The following RFC1 variants were observed in gnomAD, a reference collection of about 807,000 sequenced individuals.
The protein encoded by RFC1 is A1 140 kDa subunit.
RFC1 carries 37 observed loss-of-function variants against 137.4 expected under a neutral mutation model. The observed-to-expected ratio is 0.27, with a 90% CI of 0.21 to 0.35. The LOEUF is 0.35. Ranked by LOEUF, RFC1 falls within the 10% of genes least tolerant of loss-of-function variation. The pLI, the probability that RFC1 is intolerant of heterozygous loss-of-function variation, is 1.00. For missense variants in RFC1, 1,205 were observed against 1,358.5 expected, an observed-to-expected ratio of 0.89 and a Z score of 1.78; for synonymous variants, 429 against 455.7, an observed-to-expected ratio of 0.94 and a Z score of 0.75.
intron 2 of RFC1, among the ~76,000 whole-genome samples, chr4:39,350,778 A>C (rs928887066): frequency 6.6e-6 from 1 of 152,184 alleles, no homozygotes; most frequent in Non-Finnish European, 1.5e-5. Flanking sequence ...TTAGACGAAA[A>C]CTCAGATCTT....
chr4:39,365,333 G>C, intron 1 of RFC1: 1 of 313,664 alleles, frequency 3.2e-6, no homozygotes, highest in Non-Finnish European at 4.6e-6. Flanking sequence ...CCAGAATGTT[G>C]TCACTGTGAC....
intron 4 of RFC1, among the ~76,000 whole-genome samples, chr4:39,331,127 T>C (rs1490201192): frequency 2.0e-5 from 3 of 152,286 alleles, no homozygotes; most frequent in African/African-American, 7.2e-5. Context: ...ACAATGATCA[T>C]GGTATTATAG....
intron 4 of RFC1, among the ~76,000 whole-genome samples, chr4:39,331,955 T>C (rs1387814458): frequency 6.6e-6 from 1 of 152,196 alleles, no homozygotes; most frequent in Admixed American, 6.5e-5. Flanking sequence ...GAATGAATCA[T>C]GGGGACAGGT....
rs1450848204 is a variant in RFC1, at chr4:39,289,906, T to C, written c.3302A>G (p.Asp1101Gly). ...GTCTTTCTCATCAGATTGAGAGTCA[T>C]CTTCATTTAATTCTTCATTGTATTC... The part of the protein sequence containing the change: ...DSEYNEELNE[D>G]DSQSDEKDQD... Residue 1101 changes from aspartate (D) to glycine (G), a missense_variant, in exon 24 of 25, where the codon GAT becomes GGT. By Grantham distance (94) the Asp-to-Gly change is moderately conservative. Coordinates refer to ENST00000349703, the MANE Select transcript of RFC1 (RefSeq NM_002913.5). The C allele has an allele frequency of 1.9e-6, 3 of 1,613,348 alleles. No homozygotes were observed. Among genetic ancestry groups the C allele is most frequent in the Non-Finnish European group, 2.5e-6 (3 of 1,179,264 alleles).
In RFC1 at chr4:39,288,614, C is replaced by CA; in HGVS notation, c.*146dup. On this transcript the variant is annotated 3_prime_UTR_variant, in exon 25 of 25. Coordinates refer to ENST00000349703, the MANE Select transcript of RFC1 (RefSeq NM_002913.5). The stretch of plus-strand genomic sequence containing the variant: ...AGCCTACTGCTCATACCCTTCTAGC[C>CA]ATACCACCCTTTATTTATAATGGGA... 1.6e-6 allele frequency: 1 copy of CA among 636,250 alleles called. No homozygotes were observed. The highest frequency in any genetic ancestry group is 2.7e-5 in the East Asian group (1 of 36,798). 39.4% of individuals were successfully genotyped at this position (636,250 alleles called of 1,614,324 possible). A position where few individuals can be genotyped will look rare whatever the true frequency, so the allele number is the denominator to read the frequency against.
rs537709146 is a variant in RFC1, at chr4:39,330,922, C to CAT, written c.332-3168_332-3167dup. 5.7e-3 allele frequency among the ~76,000 whole-genome samples: 863 copies of CAT among 151,510 alleles called. 4 individuals are homozygous for CAT. Among genetic ancestry groups the CAT allele is most frequent in the African/African-American group, 0.018 (752 of 41,310 alleles). On this transcript the variant is annotated intron_variant, in intron 4 of 24. Transcript: ENST00000349703. ...ATATATATATACACACACACACACA[C>CAT]ATATATATATATTCTCCCTACCTAA...
chr4:39,308,648 C>A lies in RFC1; in HGVS notation c.1873G>T (p.Asp625Tyr). 6.2e-7 allele frequency: 1 copy of A among 1,609,240 alleles called. No individual in the cohort carries two copies. The highest frequency in any genetic ancestry group is 8.5e-7 in the Non-Finnish European group (1 of 1,176,914). ...LRNWQKSSSE[D>Y]KKHAKFGKFS... ...GTTGTAAAATCACCGTGTTTTTTAT[C>A]TTCGGAAGAACTCTTTTGCCAGTTT... The change falls in exon 13 of 25, where the codon GAT becomes TAT. Residue 625 changes from aspartate (D) to tyrosine (Y), a missense_variant. Coordinates refer to ENST00000349703, the MANE Select transcript of RFC1 (RefSeq NM_002913.5).
rs1287485715 is a variant in RFC1 at position 39,312,855 on chromosome 4, T to C, written c.1280A>G (p.Lys427Arg). 26 of 1,614,024 alleles carry C rather than the reference T, an allele frequency of 1.6e-5. No individual in the cohort carries two copies. Among genetic ancestry groups the C allele is most frequent in the Non-Finnish European group, 2.1e-5 (25 of 1,180,024 alleles). The change falls in exon 11 of 25, where the codon AAG becomes AGG. Residue 427 changes from lysine to arginine, a missense_variant. Coordinates refer to ENST00000349703, the MANE Select transcript of RFC1 (RefSeq NM_002913.5). The stretch of plus-strand genomic sequence containing the variant: ...TCCCCCATAACGTTCAATTAGAGAC[T>C]TGGCCTCATCTCGTTCAATAGACTC... ...VLESIERDEA[K>R]SLIERYGGKV... is the part of the protein sequence containing the mutation.
intron 4 of RFC1, among the ~76,000 whole-genome samples, chr4:39,338,710 T>C (rs1283301624): frequency 6.6e-6 from 1 of 152,210 alleles, no homozygotes; most frequent in Non-Finnish European, 1.5e-5. Flanking sequence ...ATAATTACTA[T>C]AGTGAAGCAA....
intron 15 of RFC1, among the ~76,000 whole-genome samples, chr4:39,303,642 C>A (rs1056358187): frequency 1.3e-5 from 2 of 152,108 alleles, no homozygotes; most frequent in Non-Finnish European, 2.9e-5. Context: ...TTAGTAGAGA[C>A]GGTGTTTCAC....
Position 39,327,553 on chromosome 4 carries a change from T to C in RFC1, c.535A>G (p.Lys179Glu). ...TTTCTTTTGCTTGCCACCATCTTCT[T>C]ATTAGATCTTTGGACACTTCCAGTT... ...FGTGSVQRSN[K>E]KMVASKRKEL... Residue 179 changes from lysine (K) to glutamate (E), a missense_variant, in exon 5 of 25, where the codon AAG (lysine) becomes GAG (glutamate). Transcript: ENST00000349703. 6.2e-7 allele frequency: 1 copy of C among 1,612,342 alleles called. No individual in the cohort carries two copies. The highest frequency in any genetic ancestry group is 8.5e-7 in the Non-Finnish European group (1 of 1,179,546).
At chr4:39,357,145 A>G (rs1342259006) in intron 1 of RFC1, among the ~76,000 whole-genome samples, 1 of 152,242 alleles carries the variant, frequency 6.6e-6, no homozygotes, top group African/African-American at 2.4e-5. Flanking sequence ...AAAGCAGAGC[A>G]CAGAAAAGAA....
intron 22 of RFC1, 176 bp from the exon 23 acceptor site, chr4:39,292,028 G>A: frequency 3.3e-6 from 2 of 602,270 alleles, no homozygotes; most frequent in Non-Finnish European, 5.9e-6. Context: ...ACCACAGCAT[G>A]AGGGTAATGG....
At chr4:39,302,111 T>C (rs1025613703) in intron 19 of RFC1, among the ~76,000 whole-genome samples, 167 bp downstream of exon 19, 2 of 152,188 alleles carry the variant, frequency 1.3e-5, no homozygotes, top group Admixed American at 6.6e-5. Flanking sequence ...GAGAAAAAAA[T>C]CATTTGAATT....
At chr4:39,318,972 C>T (rs1047681544) in intron 9 of RFC1, among the ~76,000 whole-genome samples, 10 of 152,148 alleles carry the variant, frequency 6.6e-5, no homozygotes, top group South Asian at 2.1e-4. Context: ...AGAGACCGTT[C>T]GCTTCTCAAA....
chr4:39,299,987 A>T (rs1475857369), intron 21 of RFC1, 34 bp downstream of exon 21: 2 of 1,229,172 alleles, frequency 1.6e-6, no homozygotes, highest in Non-Finnish European at 2.4e-6. Context: ...TAGTAAAAGC[A>T]GAGCCTGCAT....
chr4:39,365,594 C>T, intron 1 of RFC1: 2 of 485,536 alleles, frequency 4.1e-6, no homozygotes, highest in Non-Finnish European at 5.4e-6. Context: ...AGGATGACAG[C>T]TGTCAAATGT....
At chr4:39,322,527 T>C (rs917729054) in intron 7 of RFC1, 7 of 152,264 alleles carry the variant, frequency 4.6e-5, no homozygotes, top group African/African-American at 1.7e-4. Context: ...AAGACAGTGA[T>C]TAATACTGAA....
chr4:39,317,942 G>T (rs535709872), intron 9 of RFC1: 2 of 152,232 alleles, frequency 1.3e-5, no homozygotes, highest in Non-Finnish European at 2.9e-5. Flanking sequence ...GGATCACGAG[G>T]TCAGGAGATC....
Sources: allele counts gnomAD v4.1 joint callset (sites outside exome capture counted in the v4.1 genomes callset), GRCh38; gene constraint gnomAD v4.1.1; transcripts MANE v1.5; gene names NCBI Gene and HGNC (gene_info 2026-07-23, HGNC 2026-07-21).